The following COMMD4 variants were observed in gnomAD, a reference collection of about 807,000 sequenced individuals.
The protein encoded by COMMD4 is COMM domain containing 4.
COMMD4 carries 18 observed loss-of-function variants against 27.5 expected under a neutral mutation model. The observed-to-expected ratio is 0.65, with a 90% CI of 0.45 to 0.97. COMMD4 has a LOEUF of 0.97. Among genes scored for constraint, COMMD4 ranks in the 50% least tolerant of loss-of-function variants. COMMD4 has a pLI of 0.00. For missense variants in COMMD4, 243 were observed against 250.0 expected (o/e 0.97, Z 0.19); for synonymous variants, 108 against 108.4 (o/e 1.00, Z 0.02).
chr15:75,338,543 C>A (rs769714709), intron 3 of COMMD4, 103 bp from the exon 4 acceptor site: 42 of 1,574,406 alleles, frequency 2.7e-5, no homozygotes, highest in South Asian at 2.2e-4. Context: ...CACCTCCCTT[C>A]CTTCTTTCCA....
At chr15:75,339,229 A>G (rs367657145) in intron 5 of COMMD4, 35 bp from the exon 6 acceptor site, 20 of 1,612,038 alleles carry the variant, frequency 1.2e-5, no homozygotes, top group Admixed American at 1.7e-5. Flanking sequence ...AGGCCCCGAC[A>G]TGCTACCTCC....
chr15:75,339,013 A>C lies in COMMD4; in HGVS notation c.210A>C (p.Ala70=). 8 of 1,613,956 alleles carry C rather than the reference A, an allele frequency of 5.0e-6. No individual in the cohort carries two copies. The highest frequency in any genetic ancestry group is 6.8e-6 in the Non-Finnish European group (8 of 1,179,884). ...CAGGCGATGTGAAGGCCACAGTGGCAGTGCTGAGTTTCATCCTCTCCAGTG... is the reference window on the plus strand; with the variant it reads ...CAGGCGATGTGAAGGCCACAGTGGCCGTGCTGAGTTTCATCCTCTCCAGTG... The part of the protein sequence containing the change: ...FESGDVKATV[A]VLSFILSSAA... Residue 70 remains alanine (A), a synonymous_variant, in exon 5 of 8, where the codon GCA becomes GCC. Coordinates refer to ENST00000267935, the MANE Select transcript of COMMD4 (RefSeq NM_017828.5).
Position 75,340,246 on chromosome 15 carries a change from A to G in COMMD4, c.*241A>G, listed in dbSNP as rs2071411527. 2 of 572,742 alleles carry G rather than the reference A, an allele frequency of 3.5e-6. No individual in the cohort carries two copies. Among genetic ancestry groups the G allele is most frequent in the South Asian group, 4.6e-5 (2 of 43,892 alleles). The allele number at this position is 572,742 out of a possible 1,614,324, so 35.5% of individuals were successfully genotyped here. A position where few individuals can be genotyped will look rare whatever the true frequency, so the allele number is the denominator to read the frequency against. On this transcript the variant is annotated 3_prime_UTR_variant, in exon 8 of 8. Coordinates refer to ENST00000267935, the MANE Select transcript of COMMD4 (RefSeq NM_017828.5). ...GCAATTGTTGGCTGTTTTCATAAGC[A>G]GGAAAAATAAACAGAAGTATAAAGG...
At position 75,339,724 on chromosome 15, in the gene COMMD4, C is replaced by T; in HGVS notation, c.405C>T (p.Gly135=). The part of the protein sequence containing the change: ...SLRMNRLAGV[G]WRVDYTLSSS... ...CAGTGAATAGGTTGGCAGGTGTGGG[C>T]TGGCGGGTGGACTACACCCTGAGCT... Residue 135 remains glycine (G), a synonymous_variant, in exon 7 of 8, where the codon GGC becomes GGT. Transcript: ENST00000267935. 1 of 1,603,462 alleles carries T rather than the reference C, an allele frequency of 6.2e-7. No individual in the cohort carries two copies. Among genetic ancestry groups the T allele is most frequent in the Non-Finnish European group, 8.5e-7 (1 of 1,173,586 alleles).
chr15:75,342,788 A>G (rs887959025), downstream of COMMD4: 3 of 152,290 alleles, frequency 2.0e-5, no homozygotes, highest in African/African-American at 4.8e-5. Context: ...GAGGTAATGG[A>G]TATCCTAATT....
At chr15:75,336,331 C>T (rs1447011138) in intron 1 of COMMD4, 3 of 1,377,962 alleles carry the variant, frequency 2.2e-6, no homozygotes, top group Non-Finnish European at 2.9e-6. Context: ...CGGTGCTTCC[C>T]TGGCGGAAGG....
At position 75,338,603 on chromosome 15, in the gene COMMD4, G is replaced by A. The variant is rs1042397831; in HGVS notation, c.142-43G>A. 1.2e-5 allele frequency: 20 copies of A among 1,608,744 alleles called. No homozygotes were observed. The Admixed American group carries it at 1.7e-4, about 13-fold the overall frequency. On this transcript the variant is annotated intron_variant, in intron 3 of 7. Coordinates refer to ENST00000267935, the MANE Select transcript of COMMD4 (RefSeq NM_017828.5). ...TCCAGGCTGGGGGTGAGGGGCTGGT[G>A]AGCAGGGGCCTGGCACCCCCTGAAG...
intron 4 of COMMD4, 59 bp downstream of exon 4, chr15:75,338,744 T>G: frequency 6.3e-7 from 1 of 1,576,924 alleles, no homozygotes; most frequent in South Asian, 1.1e-5. Context: ...GCCTGGTGCC[T>G]GGTACAGAGG....
Position 75,338,669 on chromosome 15 carries a change from G to A in COMMD4, c.165G>A (p.Thr55=), listed in dbSNP as rs773111762. Residue 55 remains threonine, a synonymous_variant, in exon 4 of 8, where the codon ACG becomes ACA. Transcript: ENST00000267935. ...AGTATGAGAAGATCCTGAAGCTCAC[G>A]GCTGACGCCAAGTTTGGTGAGTATC... ...GIDYEKILKL[T]ADAKFESGDV... 15 of 1,613,790 alleles carry A rather than the reference G, an allele frequency of 9.3e-6. No homozygotes were observed. The highest frequency in any genetic ancestry group is 1.2e-5 in the Non-Finnish European group (14 of 1,179,918).
At chr15:75,337,937 C>A in intron 1 of COMMD4, 125 bp from the exon 2 acceptor site, 3 of 949,662 alleles carry the variant, frequency 3.2e-6, no homozygotes, top group Non-Finnish European at 4.8e-6. Context: ...GAACAAGAGG[C>A]CAGAGGGTAT....
At position 75,338,878 on chromosome 15, in the gene COMMD4, G is replaced by T. The variant is rs762807056; in HGVS notation, c.182-107G>T. Reference sequence around the variant, plus strand: ...CAGCTCCTGGTGGAGCAGTAGCAGTGCCTGTGGCTCCAGGAGGCCTGGGGG... The same window carrying T: ...CAGCTCCTGGTGGAGCAGTAGCAGTTCCTGTGGCTCCAGGAGGCCTGGGGG... On this transcript the variant is annotated intron_variant, in intron 4 of 7. Coordinates refer to ENST00000267935, the MANE Select transcript of COMMD4 (RefSeq NM_017828.5). The T allele has an allele frequency of 1.3e-4, 203 of 1,574,790 alleles. No individual in the cohort carries two copies. In the African/African-American group the frequency reaches 2.3e-3, roughly 17 times the overall value.
chr15:75,336,398 T>G, intron 1 of COMMD4: 2 of 847,246 alleles, frequency 2.4e-6, no homozygotes, highest in Non-Finnish European at 1.7e-6. Flanking sequence ...GGGAGTCCTT[T>G]CAGGTCTTCC....
chr15:75,340,810 T>C (rs1247398126), downstream of COMMD4: 4 of 145,256 alleles, frequency 2.8e-5, no homozygotes, highest in African/African-American at 7.6e-5. Context: ...CTAATTTTGT[T>C]TTTTTTTTTT....
In COMMD4 at chr15:75,338,139, G is replaced by T; in HGVS notation, c.75+6G>T. 1 of 1,598,414 alleles carries T rather than the reference G, an allele frequency of 6.3e-7. No homozygotes were observed. The highest frequency in any genetic ancestry group is 2.3e-5 in the East Asian group (1 of 44,126). ...TCAGCACGCTGGCCAAGATGGTTGA[G>T]TGCACAGGGTCTAGTCTGGGTGGAG... is the stretch of plus-strand genomic sequence containing the variant. On this transcript the variant is annotated splice_donor_region_variant and intron_variant, in intron 2 of 7. Transcript: ENST00000267935.
chr15:75,338,343 C>T lies in COMMD4; in HGVS notation c.76-12C>T, dbSNP rs764475143. 5.6e-6 allele frequency: 9 copies of T among 1,592,930 alleles called. No individual in the cohort carries two copies. The African/African-American group carries it at 8.0e-5, about 14-fold the overall frequency. ...TTTGCCAGCCTGGCTGATGTAAGGA[C>T]TTCCCTTCCAGTCCTCTGTGAAGTT... On this transcript the variant is annotated splice_polypyrimidine_tract_variant and intron_variant, in intron 2 of 7. Transcript: ENST00000267935.
rs1054104487 is a variant in COMMD4, at chr15:75,339,737, T to C, written c.418T>C (p.Tyr140His). 1.2e-6 allele frequency: 2 copies of C among 1,610,682 alleles called. No individual in the cohort carries two copies. Among genetic ancestry groups the C allele is most frequent in the African/African-American group, 2.7e-5 (2 of 74,890 alleles). Residue 140 changes from tyrosine (Y) to histidine (H), a missense_variant, in exon 7 of 8, where the codon TAC becomes CAC. Coordinates refer to ENST00000267935, the MANE Select transcript of COMMD4 (RefSeq NM_017828.5). ...RLAGVGWRVD[Y>H]TLSSSLLQSV... ...GGCAGGTGTGGGCTGGCGGGTGGAC[T>C]ACACCCTGAGCTCCAGCCTGCTGCA...
chr15:75,338,784 A>G, intron 4 of COMMD4, 99 bp downstream of exon 4: 2 of 1,450,122 alleles, frequency 1.4e-6, no homozygotes, highest in South Asian at 2.4e-5. Context: ...CAGCATCCTT[A>G]ACTTACCTTC....
At chr15:75,340,291 G>C (rs1567211904), downstream of COMMD4, 4 of 454,182 alleles carry the variant, frequency 8.8e-6, no homozygotes, top group Non-Finnish European at 1.6e-5. Context: ...AGGGGGTTCT[G>C]TTTGGGTTCA....
Position 75,340,263 on chromosome 15 carries a change from G to A in COMMD4, c.*258G>A, listed in dbSNP as rs2071412462. 3.6e-6 allele frequency: 2 copies of A among 561,252 alleles called. No homozygotes were observed. The highest frequency in any genetic ancestry group is 2.3e-5 in the South Asian group (1 of 43,354). The allele number at this position is 561,252 out of a possible 1,614,324, so 34.8% of individuals were successfully genotyped here. Reference sequence around the variant, plus strand: ...TCATAAGCAGGAAAAATAAACAGAAGTATAAAGGAATGTGTGCAGGGGGTT... The same window carrying A: ...TCATAAGCAGGAAAAATAAACAGAAATATAAAGGAATGTGTGCAGGGGGTT... On this transcript the variant is annotated 3_prime_UTR_variant, in exon 8 of 8. Transcript: ENST00000267935.
Sources: gnomAD v4.1 joint callset for allele counts on GRCh38, gnomAD v4.1.1 for gene constraint, MANE v1.5 for transcripts, NCBI Gene and HGNC (gene_info 2026-07-23, HGNC 2026-07-21) for gene names.